Variants in KCNMB4 observed in about 807,000 individuals in gnomAD.
KCNMB4 encodes the protein calcium-activated potassium channel subunit beta-4.
Under a neutral mutation model 20.7 loss-of-function variants are expected in KCNMB4, and 3 were observed. The ratio of observed to expected loss-of-function variants is 0.14; its 90% CI spans 0.07 to 0.37. The LOEUF is 0.37. Ranked by LOEUF, KCNMB4 falls within the 10% of genes least tolerant of loss-of-function variation. The probability of loss-of-function intolerance (pLI) is 1.00; values close to 1 mark genes in which losing one functional copy is unlikely to be tolerated. For synonymous variants in KCNMB4, 110 were observed against 113.4 expected (o/e 0.97, Z 0.19); for missense variants, 168 against 265.9 (o/e 0.63, Z 2.56).
intron 1 of KCNMB4, among the ~76,000 whole-genome samples, chr12:70,390,833 C>G (rs1868293108): frequency 6.6e-6 from 1 of 152,184 alleles, no homozygotes; most frequent in South Asian, 2.1e-4. Context: ...ACTTCATTTT[C>G]CCCTGACCCC....
Position 70,430,660 on chromosome 12 carries a change from A to G in KCNMB4, c.*7A>G. 1 of 1,603,194 alleles carries G rather than the reference A, an allele frequency of 6.2e-7. No individual in the cohort carries two copies. Among genetic ancestry groups the G allele is most frequent in the Non-Finnish European group, 8.5e-7 (1 of 1,176,986 alleles). ...GAAGCGCAAGTTCTCTTAAAGGGGA[A>G]GGAGGCTTGTAGAAAGCAAAGTACA... is the stretch of plus-strand genomic sequence containing the variant. On this transcript the variant is annotated 3_prime_UTR_variant, in exon 3 of 3. Coordinates refer to ENST00000258111, the MANE Select transcript of KCNMB4 (RefSeq NM_014505.6).
intron 2 of KCNMB4, among the ~76,000 whole-genome samples, chr12:70,420,885 C>T (rs1321483414): frequency 6.6e-6 from 1 of 151,756 alleles, no homozygotes; most frequent in Non-Finnish European, 1.5e-5. Context: ...GGTGAAACCC[C>T]GTCTCTACTA....
intron 1 of KCNMB4, among the ~76,000 whole-genome samples, chr12:70,395,518 G>GA (rs923872145): frequency 1.1e-4 from 17 of 150,696 alleles, no homozygotes; most frequent in African/African-American, 1.5e-4. Context: ...GTGGTTGGCA[G>GA]AAAAAAAAAT....
chr12:70,425,188 G>T (rs1869176805), intron 2 of KCNMB4, among the ~76,000 whole-genome samples: 1 of 152,088 alleles, frequency 6.6e-6, no homozygotes, highest in Non-Finnish European at 1.5e-5. Flanking sequence ...TGTAATCCCA[G>T]CACTTAGAGA....
At chr12:70,390,730 T>C (rs1292432231) in intron 1 of KCNMB4, among the ~76,000 whole-genome samples, 2 of 152,128 alleles carry the variant, frequency 1.3e-5, no homozygotes, top group African/African-American at 4.8e-5. Context: ...TCCTCCAAAA[T>C]GTGAAGACGC....
At chr12:70,403,564 C>G (rs149815530) in intron 2 of KCNMB4, among the ~76,000 whole-genome samples, 17,206 of 152,200 alleles carry the variant, frequency 0.11, 1,281 homozygotes, top group Middle Eastern at 0.23. Context: ...GAACTCCTGA[C>G]CTCAGGCGAT....
At chr12:70,416,948 AATG>A (rs1868928142) in intron 2 of KCNMB4, among the ~76,000 whole-genome samples, 1 of 152,348 alleles carries the variant, frequency 6.6e-6, no homozygotes, top group African/African-American at 2.4e-5. Context: ...AATCTTCTAG[AATG>A]ATGATATTAT....
intron 1 of KCNMB4, among the ~76,000 whole-genome samples, chr12:70,392,583 A>T (rs1868308862): frequency 1.3e-5 from 2 of 152,174 alleles, no homozygotes; most frequent in Admixed American, 1.3e-4. Flanking sequence ...AACCAACCTA[A>T]ATGCCCATCA....
intron 2 of KCNMB4, among the ~76,000 whole-genome samples, chr12:70,420,200 G>A (rs1251147383): frequency 6.6e-6 from 1 of 152,214 alleles, no homozygotes; most frequent in Non-Finnish European, 1.5e-5. Flanking sequence ...CAGTATAGGA[G>A]AGCGGTTTAT....
At position 70,431,058 on chromosome 12, in the gene KCNMB4, T is replaced by TAAAAA. The variant is rs758534772; in HGVS notation, c.*415_*419dup. The stretch of plus-strand genomic sequence containing the variant: ...TTTTTATGCTTAGAACACCAGGGTT[T>TAAAAA]AAAAAAAAAAAAAAGGTGAGGACAT... On this transcript the variant is annotated 3_prime_UTR_variant, in exon 3 of 3. Coordinates refer to ENST00000258111, the MANE Select transcript of KCNMB4 (RefSeq NM_014505.6). The TAAAAA allele has an allele frequency of 7.0e-6, 1 of 142,052 alleles. No homozygotes were observed. Among genetic ancestry groups the TAAAAA allele is most frequent in the Non-Finnish European group, 1.5e-5 (1 of 64,790 alleles). 8.8% of individuals were successfully genotyped at this position (142,052 alleles called of 1,614,324 possible).
At chr12:70,421,484 A>C (rs1056476134) in intron 2 of KCNMB4, among the ~76,000 whole-genome samples, 51 of 151,414 alleles carry the variant, frequency 3.4e-4, no homozygotes, top group Admixed American at 9.2e-4. Flanking sequence ...AAAAAAAAAA[A>C]AAAAAAAAAC....
At chr12:70,399,633 C>T (rs931057147) in intron 1 of KCNMB4, among the ~76,000 whole-genome samples, 4 of 152,306 alleles carry the variant, frequency 2.6e-5, no homozygotes, top group Middle Eastern at 3.4e-3. Context: ...AAGAGAACTA[C>T]TTTGTCAGAG....
rs1256203143 is a variant in KCNMB4 at position 70,432,563 on chromosome 12, ACCG to A, written c.*1911_*1913del. 1 of 152,136 alleles carries A rather than the reference ACCG, an allele frequency of 6.6e-6. No individual in the cohort carries two copies. Among genetic ancestry groups the A allele is most frequent in the East Asian group, 1.9e-4 (1 of 5,176 alleles). The allele number at this position is 152,136 out of a possible 1,614,324, so 9.4% of individuals were successfully genotyped here. A position where few individuals can be genotyped will look rare whatever the true frequency, so the allele number is the denominator to read the frequency against. ...GTATCTGGGGTTACTGGTGTGCACC[ACCG>A]TGCTTGGCTCCAATAATTTTTTTTC... On this transcript the variant is annotated 3_prime_UTR_variant, in exon 3 of 3. Coordinates refer to ENST00000258111, the MANE Select transcript of KCNMB4 (RefSeq NM_014505.6).
At chr12:70,419,512 T>G (rs887610204) in intron 2 of KCNMB4, among the ~76,000 whole-genome samples, 2 of 152,198 alleles carry the variant, frequency 1.3e-5, no homozygotes, top group African/African-American at 4.8e-5. Context: ...TTGTTACCTC[T>G]GAATTTCTCT....
chr12:70,415,346 A>T (rs916013832), intron 2 of KCNMB4, among the ~76,000 whole-genome samples: 1 of 152,216 alleles, frequency 6.6e-6, no homozygotes, highest in Admixed American at 6.5e-5. Context: ...GTGAATCTTT[A>T]AAAATTGTGG....
intron 2 of KCNMB4, among the ~76,000 whole-genome samples, chr12:70,420,945 C>T (rs550802992): frequency 1.4e-5 from 1 of 69,046 alleles, no homozygotes; most frequent in South Asian, 7.0e-4. Context: ...GTAGTCCCAG[C>T]GGGAGGCTGA....
intron 2 of KCNMB4, among the ~76,000 whole-genome samples, chr12:70,404,381 T>G (rs920772690): frequency 1.3e-5 from 2 of 152,162 alleles, no homozygotes; most frequent in Admixed American, 1.3e-4. Flanking sequence ...GTGAAAAACA[T>G]TTTTGAATGG....
chr12:70,404,349 C>T lies in KCNMB4; in HGVS notation c.464+4013C>T, dbSNP rs140752566. Among the ~76,000 whole-genome samples the T allele has an allele frequency of 7.0e-3, 1,067 of 151,754 alleles. 10 individuals are homozygous for T. The highest frequency in any genetic ancestry group is 0.024 in the African/African-American group (999 of 41,372). On this transcript the variant is annotated intron_variant, in intron 2 of 2. Transcript: ENST00000258111. ...CTGGCTGGGAAAGATGGGTTAAAGG[C>T]AGAAAGAAAGGAGAGTACTGAGTGA...
intron 2 of KCNMB4, among the ~76,000 whole-genome samples, chr12:70,414,144 A>G (rs1366859034): frequency 7.2e-5 from 11 of 152,120 alleles, no homozygotes; most frequent in Admixed American, 5.2e-4. Context: ...AGGCAGGAGA[A>G]TTGCTTGAAC....
Sources: gnomAD v4.1 joint callset for allele counts (sites outside exome capture counted in the v4.1 genomes callset) on GRCh38, gnomAD v4.1.1 for gene constraint, MANE v1.5 for transcripts, NCBI Gene and HGNC (gene_info 2026-07-23, HGNC 2026-07-21) for gene names.